The following CLVS1 variants were observed in gnomAD, a reference collection of about 807,000 sequenced individuals.
CLVS1 encodes clavesin 1, also known as clavesin-1.
In CLVS1, 10 loss-of-function variants were observed where a neutral mutation model predicts 33.1. The ratio of observed to expected loss-of-function variants is 0.30; its 90% confidence interval spans 0.19 to 0.51. CLVS1 has a LOEUF of 0.51. Among genes scored for constraint, CLVS1 ranks in the 20% least tolerant of loss-of-function variants. The pLI is 0.97. For missense variants in CLVS1, 343 were observed against 433.4 expected (o/e 0.79, Z 1.85); for synonymous variants, 163 against 166.1 (o/e 0.98, Z 0.14).
chr8:61,002,327 GTT>G, the CLVS1 span, among the ~76,000 whole-genome samples: 6,233 of 98,652 alleles, frequency 0.063, 119 homozygotes, highest in African/African-American at 0.08. Context: ...ATGCTTGCTT[GTT>G]TTTTTTTTTT....
chr8:61,392,443 C>A (rs1034776752), intron 3 of CLVS1, among the ~76,000 whole-genome samples: 2 of 152,204 alleles, frequency 1.3e-5, no homozygotes, highest in African/African-American at 4.8e-5. Context: ...TCTCTGATTA[C>A]AAATCAACTA....
At chr8:61,368,385 T>C (rs535123815) in intron 2 of CLVS1, among the ~76,000 whole-genome samples, 41 of 152,386 alleles carry the variant, frequency 2.7e-4, no homozygotes, top group African/African-American at 9.9e-4. Flanking sequence ...ACACGGGCTC[T>C]TATTTCCATG....
chr8:61,192,441 A>AT (rs1312973813), intron 2 of CLVS1, among the ~76,000 whole-genome samples: 2 of 152,122 alleles, frequency 1.3e-5, no homozygotes. Flanking sequence ...AAACCAGGCA[A>AT]TACCATTCAG....
At chr8:61,324,650 C>T (rs1811314112) in intron 2 of CLVS1, among the ~76,000 whole-genome samples, 1 of 152,006 alleles carries the variant, frequency 6.6e-6, no homozygotes, top group Non-Finnish European at 1.5e-5. Flanking sequence ...TTTGGAACCT[C>T]CTAGAGATTT....
chr8:61,224,416 G>A lies in CLVS1; in HGVS notation c.-151-75261G>A, dbSNP rs188211759. On this transcript the variant is annotated intron_variant, in intron 2 of 2. Transcript: ENST00000522621. ...CTGCTTGTTTGCTTTTCTTTCAATAGTCAGGCCTCTCTTCTGTAGGGCTGC... is the reference window on the plus strand; with the variant it reads ...CTGCTTGTTTGCTTTTCTTTCAATAATCAGGCCTCTCTTCTGTAGGGCTGC... Among the ~76,000 whole-genome samples the A allele has an allele frequency of 3.6e-3, 552 of 152,238 alleles. 1 individual carries two copies. The highest frequency in any genetic ancestry group is 6.1e-3 in the Non-Finnish European group (418 of 68,022).
chr8:61,042,916 G>A, the CLVS1 span, among the ~76,000 whole-genome samples: 10 of 152,324 alleles, frequency 6.6e-5, no homozygotes, highest in African/African-American at 2.4e-4. Context: ...AATGTATACT[G>A]TAGGAATTCC....
chr8:61,483,124 G>T (rs971702779), intron 5 of CLVS1, among the ~76,000 whole-genome samples: 2 of 151,952 alleles, frequency 1.3e-5, no homozygotes, highest in African/African-American at 4.8e-5. Context: ...AGACACAAAA[G>T]ATCCTTCAAA....
chr8:61,009,247 C>T, the CLVS1 span, among the ~76,000 whole-genome samples: 12 of 151,978 alleles, frequency 7.9e-5, no homozygotes, highest in Non-Finnish European at 1.8e-4. Flanking sequence ...CTCCCAGGCT[C>T]AAGCGATTCT....
At chr8:60,972,981 A>G in the CLVS1 span, among the ~76,000 whole-genome samples, 2 of 152,156 alleles carry the variant, frequency 1.3e-5, no homozygotes, top group African/African-American at 4.8e-5. Flanking sequence ...ACTGACTTCC[A>G]GTGGACAGGA....
At chr8:61,088,224 C>T (rs1016487219) in intron 1 of CLVS1, among the ~76,000 whole-genome samples, 6 of 152,308 alleles carry the variant, frequency 3.9e-5, no homozygotes, top group African/African-American at 7.2e-5. Flanking sequence ...CACGATGGCT[C>T]ACGCTTGTAA....
At chr8:61,140,162 C>T (rs565350960) in intron 2 of CLVS1, among the ~76,000 whole-genome samples, 6 of 152,356 alleles carry the variant, frequency 3.9e-5, no homozygotes, top group African/African-American at 1.4e-4. Flanking sequence ...CTCCTTCCTT[C>T]AGACCCATTA....
At chr8:61,213,902 G>A (rs1005251739) in intron 2 of CLVS1, among the ~76,000 whole-genome samples, 10 of 152,154 alleles carry the variant, frequency 6.6e-5, no homozygotes, top group East Asian at 1.9e-4. Flanking sequence ...GAGAAATATC[G>A]CTGAACTCTT....
At chr8:61,357,224 C>T (rs1474448169) in intron 2 of CLVS1, among the ~76,000 whole-genome samples, 1 of 152,052 alleles carries the variant, frequency 6.6e-6, no homozygotes, top group Non-Finnish European at 1.5e-5. Context: ...CAAGAGAAAA[C>T]AATAGGCTAA....
chr8:61,039,871 T>C, the CLVS1 span, among the ~76,000 whole-genome samples: 2 of 152,190 alleles, frequency 1.3e-5, no homozygotes, highest in Non-Finnish European at 2.9e-5. Context: ...ATTCAGGGGG[T>C]ACATGTACAG....
At chr8:61,120,943 T>A (rs571651197) in intron 1 of CLVS1, among the ~76,000 whole-genome samples, 179 of 149,254 alleles carry the variant, frequency 1.2e-3, no homozygotes, top group Admixed American at 2.9e-3. Flanking sequence ...TAAGCAAGCC[T>A]GGGCAATGGC....
intron 2 of CLVS1, among the ~76,000 whole-genome samples, chr8:61,200,465 GC>G (rs1256617249): frequency 6.6e-6 from 1 of 152,202 alleles, no homozygotes; most frequent in Non-Finnish European, 1.5e-5. Context: ...CGTTCCATAT[GC>G]AGGTGGTATC....
At chr8:61,240,778 G>A (rs981060192) in intron 2 of CLVS1, among the ~76,000 whole-genome samples, 1 of 151,814 alleles carries the variant, frequency 6.6e-6, no homozygotes, top group Non-Finnish European at 1.5e-5. Flanking sequence ...TTACTGCACT[G>A]GCTAAAATCT....
chr8:61,180,217 T>A (rs112426759), intron 2 of CLVS1, among the ~76,000 whole-genome samples: 8,670 of 151,782 alleles, frequency 0.057, 291 homozygotes, highest in African/African-American at 0.08. Context: ...AACACCTCTA[T>A]GCAAATAAAC....
In CLVS1 at chr8:61,086,015, G is replaced by A. The variant is rs1246037327; in HGVS notation, c.-243+28785G>A. Among the ~76,000 whole-genome samples the A allele has an allele frequency of 7.3e-4, 89 of 121,774 alleles. 1 individual carries two copies. Among genetic ancestry groups the A allele is most frequent in the African/African-American group, 2.6e-3 (81 of 30,884 alleles). The allele number at this position is 121,774 out of a possible 152,430, so 79.9% of individuals were successfully genotyped here. A position where few individuals can be genotyped will look rare whatever the true frequency, so the allele number is the denominator to read the frequency against. ...CACGCCACTGCACTCCAGCCTGGGC[G>A]ACAGAGCGAGACTCCCTCTCAAAAA... On this transcript the variant is annotated intron_variant, in intron 1 of 2. Coordinates refer to the CLVS1 transcript ENST00000522621.
Sources: gnomAD v4.1 joint callset for allele counts (sites outside exome capture counted in the v4.1 genomes callset) on GRCh38, gnomAD v4.1.1 for gene constraint, MANE v1.5 for transcripts, NCBI Gene and HGNC (gene_info 2026-07-23, HGNC 2026-07-21) for gene names.